Variants in DMTN observed in about 807,000 individuals in gnomAD.
DMTN encodes the protein dematin actin binding protein, also known as dematin.
In DMTN, 27 loss-of-function variants were observed where a neutral mutation model predicts 59.4. The ratio of observed to expected loss-of-function variants is 0.45; its 90% CI spans 0.33 to 0.63. DMTN has a LOEUF of 0.63. Ranked by LOEUF, DMTN falls within the 20% of genes least tolerant of loss-of-function variation. The probability of loss-of-function intolerance (pLI) is 0.02; values close to 1 mark genes in which losing one functional copy is unlikely to be tolerated. For synonymous variants in DMTN, 221 were observed against 203.7 expected (o/e 1.08, Z -0.72); for missense variants, 451 against 528.9 (o/e 0.85, Z 1.45).
upstream of DMTN, among the ~76,000 whole-genome samples, chr8:22,056,487 C>T (rs1802636836): frequency 6.6e-6 from 1 of 152,124 alleles, no homozygotes; most frequent in Non-Finnish European, 1.5e-5. Context: ...ATCAGTAGCC[C>T]CCTCCCTCGA....
chr8:22,081,309 C>T, intron 15 of DMTN, 41 bp from the exon 16 acceptor site: 3 of 1,601,788 alleles, frequency 1.9e-6, no homozygotes, highest in Non-Finnish European at 2.6e-6. Context: ...GGCACAGCCC[C>T]CTCCCCCTCC....
At position 22,081,318 on chromosome 8, in the gene DMTN, C is replaced by T. The variant is rs761495373; in HGVS notation, c.1105-32C>T. ...TCACTGGGCACAGCCCCCTCCCCCT[C>T]CATGCTGAGCTGCCCCGATTCCCCC... is the stretch of plus-strand genomic sequence containing the variant. On this transcript the variant is annotated intron_variant, in intron 15 of 15. Transcript: ENST00000358242. The T allele has an allele frequency of 2.5e-6, 4 of 1,605,918 alleles. No individual in the cohort carries two copies. In the Admixed American group the frequency reaches 6.7e-5, roughly 27 times the overall value.
intron 1 of DMTN, among the ~76,000 whole-genome samples, chr8:22,064,099 TG>T (rs1258479112): frequency 6.6e-6 from 1 of 152,012 alleles, no homozygotes; most frequent in Non-Finnish European, 1.5e-5. Context: ...GACGGATGGA[TG>T]GATGGAGAGA....
intron 1 of DMTN, among the ~76,000 whole-genome samples, chr8:22,061,096 A>T (rs1189239844): frequency 6.8e-6 from 1 of 147,412 alleles, no homozygotes; most frequent in Non-Finnish European, 1.5e-5. Flanking sequence ...ACATAGGGAG[A>T]CCCCATCTTT....
intron 10 of DMTN, 60 bp downstream of exon 10, chr8:22,073,895 C>A: frequency 7.1e-7 from 1 of 1,416,316 alleles, no homozygotes; most frequent in Non-Finnish European, 1.0e-6. Flanking sequence ...TGACTCTGTG[C>A]ATCTGTTGAC....
upstream of DMTN, among the ~76,000 whole-genome samples, chr8:22,054,411 G>A (rs1342640408): frequency 6.6e-6 from 1 of 152,146 alleles, no homozygotes; most frequent in Non-Finnish European, 1.5e-5. Context: ...AGAGGGTTTG[G>A]GACCAGGTGA....
At position 22,080,212 on chromosome 8, in the gene DMTN, C is replaced by G; in HGVS notation, c.868C>G (p.Leu290Val). ...LHQGTSKSSSLPAYGRTTLSR... is the reference protein window; with the variant it reads ...LHQGTSKSSSVPAYGRTTLSR... ...CCAGGGAACGTCTAAATCTTCCTCT[C>G]TCCCCGCCTATGGCAGGACCACCCT... Residue 290 changes from leucine (L) to valine (V), a missense_variant, in exon 11 of 16, where the codon CTC becomes GTC. Leu to Val is a conservative substitution (Grantham distance 32). Transcript: ENST00000358242. 9 of 1,614,236 alleles carry G rather than the reference C, an allele frequency of 5.6e-6. No homozygotes were observed. Among genetic ancestry groups the G allele is most frequent in the Non-Finnish European group, 7.6e-6 (9 of 1,180,050 alleles).
chr8:22,072,516 A>T, intron 9 of DMTN, 66 bp downstream of exon 9: 1 of 1,461,136 alleles, frequency 6.8e-7, no homozygotes. Context: ...CCAGGCTGGC[A>T]TGCAGTGGCA....
chr8:22,069,171 C>T, intron 5 of DMTN, 111 bp downstream of exon 5: 1 of 1,285,172 alleles, frequency 7.8e-7, no homozygotes, highest in Non-Finnish European at 1.1e-6. Flanking sequence ...GTGCCCGAAT[C>T]AGCGGCCCCC....
intron 10 of DMTN, among the ~76,000 whole-genome samples, chr8:22,076,350 A>G (rs1586134572): frequency 6.6e-6 from 1 of 152,240 alleles, no homozygotes; most frequent in African/African-American, 2.4e-5. Flanking sequence ...CATGCCTGTA[A>G]TCCCAGCACT....
intron 8 of DMTN, among the ~76,000 whole-genome samples, chr8:22,071,224 G>A (rs1815201766): frequency 1.3e-5 from 2 of 152,172 alleles, no homozygotes; most frequent in East Asian, 1.9e-4. Flanking sequence ...AGCCTCCTGA[G>A]TAGCTGGGAT....
chr8:22,079,580 G>T (rs560790408), intron 10 of DMTN, among the ~76,000 whole-genome samples: 99 of 152,048 alleles, frequency 6.5e-4, no homozygotes, highest in African/African-American at 2.2e-3. Context: ...GTTCAGCCTG[G>T]GCAACATAGT....
chr8:22,050,171 C>T (rs563435020), upstream of DMTN, among the ~76,000 whole-genome samples: 3 of 152,228 alleles, frequency 2.0e-5, no homozygotes, highest in Admixed American at 2.0e-4. Flanking sequence ...GGATGTGTGT[C>T]GGGAGGGTGG....
upstream of DMTN, among the ~76,000 whole-genome samples, chr8:22,052,381 A>G (rs538508596): frequency 2.0e-5 from 3 of 152,194 alleles, no homozygotes; most frequent in Non-Finnish European, 4.4e-5. Flanking sequence ...TCATTGGCCC[A>G]ACACCCCACC....
rs1563559397 is a variant in DMTN at position 22,081,521 on chromosome 8, C to CAA, written c.*58_*59insAA. ...CCCCTGCTGCTTCAGGGTTTTTCCC[C>CAA]GGCGGGTTGGGAGGGGCAGGAGGTG... is the stretch of plus-strand genomic sequence containing the variant. On this transcript the variant is annotated 3_prime_UTR_variant, in exon 16 of 16. Coordinates refer to ENST00000358242, the MANE Select transcript of DMTN (RefSeq NM_001387751.1). The CAA allele has an allele frequency of 6.5e-7, 1 of 1,531,430 alleles. No homozygotes were observed. Among genetic ancestry groups the CAA allele is most frequent in the African/African-American group, 1.4e-5 (1 of 73,224 alleles). 94.9% of individuals were successfully genotyped at this position (1,531,430 alleles called of 1,614,324 possible).
chr8:22,070,184 T>A lies in DMTN; in HGVS notation c.454T>A (p.Ser152Thr). The A allele has an allele frequency of 6.3e-7, 1 of 1,586,448 alleles. No individual in the cohort carries two copies. The highest frequency in any genetic ancestry group is 8.6e-7 in the Non-Finnish European group (1 of 1,165,034). ...CTGACCCTGGCCTTTGTCTGCAGAGTCCGTGGGAGGCAGCCCTCAGACCAA... is the reference window on the plus strand; with the variant it reads ...CTGACCCTGGCCTTTGTCTGCAGAGACCGTGGGAGGCAGCCCTCAGACCAA... The part of the protein sequence containing the change: ...KKPPIYKQRE[S>T]VGGSPQTKHL... Residue 152 changes from serine to threonine, a missense_variant and splice_region_variant, in exon 8 of 16, where the codon TCC becomes ACC. By Grantham distance (58) the Ser-to-Thr change is moderately conservative (BLOSUM62 1). Transcript: ENST00000358242.
chr8:22,068,945 CCT>C, intron 4 of DMTN, 69 bp from the exon 5 acceptor site: 4 of 1,544,988 alleles, frequency 2.6e-6, no homozygotes, highest in Non-Finnish European at 3.6e-6. Flanking sequence ...GATGAGGTGG[CCT>C]CTCTGGAATT....
In DMTN at chr8:22,063,383, C is replaced by G. The variant is rs540507892; in HGVS notation, c.-171-3322C>G. Reference sequence around the variant, plus strand: ...GATCGCCTCTGCCTGTCCAGTCTGGCTCTCAGGCTGCCACCAGATTCATTT... The same window carrying G: ...GATCGCCTCTGCCTGTCCAGTCTGGGTCTCAGGCTGCCACCAGATTCATTT... On this transcript the variant is annotated intron_variant, in intron 1 of 15. Coordinates refer to ENST00000358242, the MANE Select transcript of DMTN (RefSeq NM_001387751.1). Among the ~76,000 whole-genome samples, 42 of 152,326 alleles carry G rather than the reference C, an allele frequency of 2.8e-4. 1 individual carries two copies. Among genetic ancestry groups the G allele is most frequent in the Admixed American group, 1.0e-3 (16 of 15,308 alleles).
chr8:22,071,044 A>G (rs1263708859), intron 8 of DMTN, among the ~76,000 whole-genome samples: 1 of 152,000 alleles, frequency 6.6e-6, no homozygotes, highest in East Asian at 1.9e-4. Context: ...CTTCATGGCA[A>G]GGTGAGAAAA....
Sources: allele counts gnomAD v4.1 joint callset (sites outside exome capture counted in the v4.1 genomes callset), GRCh38; gene constraint gnomAD v4.1.1; transcripts MANE v1.5; gene names NCBI Gene and HGNC (gene_info 2026-07-23, HGNC 2026-07-21).